Variants in SKIC3 observed in about 807,000 individuals in gnomAD.
SKIC3 encodes the protein SKI3 subunit of superkiller complex, also known as superkiller complex protein 3.
the SKIC3 span, chr5:95,484,691 T>A: frequency 6.2e-7 from 1 of 1,613,758 alleles, no homozygotes; most frequent in Non-Finnish European, 8.5e-7. Context: ...AAGATAAGAA[T>A]CCATGAGTTT....
the SKIC3 span, chr5:95,478,504 C>T: frequency 1.3e-6 from 2 of 1,595,108 alleles, no homozygotes; most frequent in East Asian, 2.2e-5. Context: ...TCTGTTACCC[C>T]TACTTCCAAC....
the SKIC3 span, among the ~76,000 whole-genome samples, chr5:95,539,026 T>C: frequency 6.6e-6 from 1 of 152,206 alleles, no homozygotes; most frequent in South Asian, 2.1e-4. Context: ...ATACCATGAG[T>C]ACCAATTCCA....
At chr5:95,493,639 T>C in the SKIC3 span, among the ~76,000 whole-genome samples, 1 of 152,098 alleles carries the variant, frequency 6.6e-6, no homozygotes, top group South Asian at 2.1e-4. Flanking sequence ...ATCCCTGAAA[T>C]GTTAACTATT....
chr5:95,478,120 T>C, the SKIC3 span, among the ~76,000 whole-genome samples: 2 of 152,214 alleles, frequency 1.3e-5, no homozygotes, highest in Non-Finnish European at 2.9e-5. Flanking sequence ...TATAGATTTA[T>C]GTTGCTCTAT....
chr5:95,539,718 C>T, the SKIC3 span, among the ~76,000 whole-genome samples: 1 of 151,980 alleles, frequency 6.6e-6, no homozygotes, highest in Admixed American at 6.6e-5. Context: ...GTGGCACATG[C>T]CTGTAATCCC....
chr5:95,522,172 G>A, the SKIC3 span: 1 of 1,613,836 alleles, frequency 6.2e-7, no homozygotes, highest in South Asian at 1.1e-5. Context: ...CACTGTATAT[G>A]GATTCTGGGT....
At chr5:95,498,245 T>C in the SKIC3 span, 2 of 965,110 alleles carry the variant, frequency 2.1e-6, no homozygotes, top group African/African-American at 1.6e-5. Context: ...TAAAATTTCA[T>C]AAAACCAGGG....
the SKIC3 span, chr5:95,520,708 A>C: frequency 6.2e-7 from 1 of 1,601,026 alleles, no homozygotes; most frequent in Non-Finnish European, 8.5e-7. Context: ...AATAAGAATA[A>C]TACGAACCAA....
chr5:95,466,808 A>G, the SKIC3 span, among the ~76,000 whole-genome samples: 1 of 152,280 alleles, frequency 6.6e-6, no homozygotes, highest in South Asian at 2.1e-4. Flanking sequence ...TTTTAAACAA[A>G]TGTCGCTTTG....
the SKIC3 span, among the ~76,000 whole-genome samples, chr5:95,537,710 G>T: frequency 1.3e-5 from 2 of 152,072 alleles, no homozygotes; most frequent in Non-Finnish European, 2.9e-5. Context: ...AGGCCAACAG[G>T]CCTTCTAAAT....
At chr5:95,545,890 A>T in the SKIC3 span, among the ~76,000 whole-genome samples, 1 of 152,098 alleles carries the variant, frequency 6.6e-6, no homozygotes, top group Non-Finnish European at 1.5e-5. Context: ...TGACCACCAC[A>T]CTACTCACCC....
At chr5:95,497,193 T>C in the SKIC3 span, among the ~76,000 whole-genome samples, 1 of 152,192 alleles carries the variant, frequency 6.6e-6, no homozygotes, top group South Asian at 2.1e-4. Context: ...CACTTCTTTG[T>C]ACGTCTTTGT....
At chr5:95,507,157 T>C in the SKIC3 span, 1 of 728,888 alleles carries the variant, frequency 1.4e-6, no homozygotes, top group Non-Finnish European at 2.3e-6. Context: ...TTTTATTAAG[T>C]TGGTACCACA....
the SKIC3 span, chr5:95,516,731 C>T: frequency 1.9e-6 from 3 of 1,613,188 alleles, no homozygotes; most frequent in Non-Finnish European, 2.5e-6. Context: ...ACTGTCGAGT[C>T]TCACTGCTTT....
chr5:95,510,094 A>T, the SKIC3 span, among the ~76,000 whole-genome samples: 26 of 152,354 alleles, frequency 1.7e-4, no homozygotes, highest in African/African-American at 5.8e-4. Context: ...ATTTAAAAAA[A>T]ATAACAAAGT....
At chr5:95,550,468 TA>T in the SKIC3 span, 64,266 of 140,364 alleles carry the variant, frequency 0.46, 17,186 homozygotes, top group African/African-American at 0.78. Flanking sequence ...AGTCTGACAT[TA>T]AAAAAAAAAA....
At chr5:95,497,017 A>C in the SKIC3 span, among the ~76,000 whole-genome samples, 1 of 152,202 alleles carries the variant, frequency 6.6e-6, no homozygotes, top group East Asian at 1.9e-4. Flanking sequence ...GCAGTGTTCT[A>C]GTTCTTACTG....
chr5:95,551,339 AC>A, the SKIC3 span, among the ~76,000 whole-genome samples: 1 of 152,172 alleles, frequency 6.6e-6, no homozygotes, highest in Non-Finnish European at 1.5e-5. Context: ...GTGAAAAAAA[AC>A]ATGCTACTTC....
chr5:95,502,808 C>G, the SKIC3 span: 19 of 1,591,702 alleles, frequency 1.2e-5, no homozygotes, highest in Non-Finnish European at 1.1e-5. Context: ...GAAGAACTTA[C>G]GCTTTCTCCA....
Sources: gnomAD v4.1 joint callset for allele counts (sites outside exome capture counted in the v4.1 genomes callset) on GRCh38, gnomAD v4.1.1 for gene constraint, MANE v1.5 for transcripts, NCBI Gene and HGNC (gene_info 2026-07-23, HGNC 2026-07-21) for gene names.